The following SECISBP2L variants were observed in gnomAD, a reference collection of about 807,000 sequenced individuals.
The protein encoded by SECISBP2L is selenocysteine insertion sequence-binding protein 2-like.
A neutral mutation model predicts 114.7 loss-of-function variants in SECISBP2L; 43 were observed. That is an observed-to-expected ratio of 0.38 (90% CI 0.29 to 0.48). The LOEUF (loss-of-function observed/expected upper bound fraction) is 0.48. Among genes scored for constraint, SECISBP2L ranks in the 20% least tolerant of loss-of-function variants. The pLI is 0.98. For synonymous variants in SECISBP2L, 451 were observed against 439.7 expected (o/e 1.03, Z -0.32); for missense variants, 1,136 against 1,301.1 (o/e 0.87, Z 1.95).
chr15:49,008,743 A>G (rs989136506), intron 14 of SECISBP2L, among the ~76,000 whole-genome samples: 1 of 152,220 alleles, frequency 6.6e-6, no homozygotes, highest in Non-Finnish European at 1.5e-5. Context: ...GGGGTATCAT[A>G]TTCTGTGATC....
chr15:49,040,838 G>A (rs1020487939), intron 1 of SECISBP2L, among the ~76,000 whole-genome samples: 2 of 151,518 alleles, frequency 1.3e-5, no homozygotes, highest in African/African-American at 4.8e-5. Context: ...GCGCCCGGCC[G>A]ATCCCAAACT....
intron 7 of SECISBP2L, among the ~76,000 whole-genome samples, chr15:49,027,088 T>C (rs916408426): frequency 8.5e-5 from 13 of 152,334 alleles, no homozygotes; most frequent in African/African-American, 2.4e-4. Context: ...GAAAAAGACA[T>C]GGCAAATGAA....
Position 49,012,765 on chromosome 15 carries a change from T to C in SECISBP2L, c.1614A>G (p.Leu538=). 1 of 1,613,976 alleles carries C rather than the reference T, an allele frequency of 6.2e-7. No homozygotes were observed. The highest frequency in any genetic ancestry group is 8.5e-7 in the Non-Finnish European group (1 of 1,179,946). Residue 538 remains leucine, a synonymous_variant, in exon 12 of 18, where the codon TTA becomes TTG. Transcript: ENST00000559471. ...HTKDSTNRKP[L]TKSQPCLTSF... is the part of the protein sequence containing the mutation. ...ATGTCAAACAGGGCTGACTTTTGGT[T>C]AAAGGTTTTCTATTAGTAGAGTCTT...
At chr15:49,012,543 T>C in intron 12 of SECISBP2L, 105 bp downstream of exon 12, 1 of 1,163,754 alleles carries the variant, frequency 8.6e-7, no homozygotes, top group Non-Finnish European at 1.2e-6. Flanking sequence ...TATGAATACT[T>C]CTCACAACAA....
At chr15:49,006,222 CT>C (rs1198229338) in intron 14 of SECISBP2L, among the ~76,000 whole-genome samples, 2 of 152,082 alleles carry the variant, frequency 1.3e-5, no homozygotes, top group East Asian at 1.9e-4. Context: ...GATGCTTTGT[CT>C]CTTGGGTTTG....
intron 6 of SECISBP2L, among the ~76,000 whole-genome samples, chr15:49,027,926 GT>G (rs1192615898): frequency 2.6e-4 from 39 of 152,094 alleles, no homozygotes; most frequent in African/African-American, 9.2e-4. Flanking sequence ...CTTCTAAGCA[GT>G]ACTACAGCTC....
At chr15:48,998,142 A>G (rs1902132320) in intron 16 of SECISBP2L, among the ~76,000 whole-genome samples, 1 of 152,228 alleles carries the variant, frequency 6.6e-6, no homozygotes, top group African/African-American at 2.4e-5. Context: ...TAGTAAGTAC[A>G]AACCTTGAGA....
chr15:48,997,812 T>C (rs1453389721), intron 16 of SECISBP2L, among the ~76,000 whole-genome samples: 2 of 152,134 alleles, frequency 1.3e-5, no homozygotes, highest in Non-Finnish European at 2.9e-5. Context: ...GAGGTTGTGG[T>C]GAGCCGAGAT....
chr15:49,011,707 G>A (rs749881099), intron 13 of SECISBP2L, 24 bp downstream of exon 13: 88 of 1,612,476 alleles, frequency 5.5e-5, no homozygotes, highest in Non-Finnish European at 7.0e-5. Context: ...TCCATGAGAA[G>A]AGGAGAAAGG....
At chr15:49,017,234 C>A (rs888671771) in intron 9 of SECISBP2L, among the ~76,000 whole-genome samples, 3 of 152,080 alleles carry the variant, frequency 2.0e-5, no homozygotes, top group Admixed American at 1.3e-4. Flanking sequence ...CTGCCTGGAT[C>A]CTTGAATGAA....
intron 1 of SECISBP2L, among the ~76,000 whole-genome samples, chr15:49,040,694 C>A (rs1302209854): frequency 6.6e-6 from 1 of 150,966 alleles, no homozygotes; most frequent in Non-Finnish European, 1.5e-5. Context: ...CACCATCACG[C>A]CCGGCTAATT....
At chr15:49,030,787 T>C (rs1342661438) in intron 4 of SECISBP2L, among the ~76,000 whole-genome samples, 1 of 152,154 alleles carries the variant, frequency 6.6e-6, no homozygotes, top group Non-Finnish European at 1.5e-5. Context: ...CATACACATG[T>C]GGGGTCTGTT....
chr15:49,024,496 CAAAAAAAAAA>C (rs72031518), intron 7 of SECISBP2L, among the ~76,000 whole-genome samples: 1 of 82,776 alleles, frequency 1.2e-5, no homozygotes. Flanking sequence ...GACTCTGTCT[CAAAAAAAAAA>C]AAAAAAAAGA....
At chr15:49,011,263 A>G (rs1354443745) in intron 13 of SECISBP2L, among the ~76,000 whole-genome samples, 1 of 152,232 alleles carries the variant, frequency 6.6e-6, no homozygotes, top group Non-Finnish European at 1.5e-5. Flanking sequence ...ACTGTATGAC[A>G]CTGAATCTTA....
At position 48,991,947 on chromosome 15, in the gene SECISBP2L, T is replaced by C. The variant is rs117979875; in HGVS notation, c.*297A>G. The stretch of plus-strand genomic sequence containing the variant: ...CTTGTTCTTTAACTTTCAAAATGTC[T>C]TTTAAGTAAGCATTTGAAATTTATT... On this transcript the variant is annotated 3_prime_UTR_variant, in exon 18 of 18. Coordinates refer to ENST00000559471, the MANE Select transcript of SECISBP2L (RefSeq NM_001193489.2). 94 of 242,048 alleles carry C rather than the reference T, an allele frequency of 3.9e-4. 2 individuals are homozygous for C. The East Asian group carries it at 7.8e-3, about 20-fold the overall frequency. 15.0% of individuals were successfully genotyped at this position (242,048 alleles called of 1,614,324 possible). A position where few individuals can be genotyped will look rare whatever the true frequency, so the allele number is the denominator to read the frequency against.
chr15:49,020,278 C>T (rs1468740726), intron 7 of SECISBP2L, among the ~76,000 whole-genome samples: 1 of 152,132 alleles, frequency 6.6e-6, no homozygotes, highest in Non-Finnish European at 1.5e-5. Flanking sequence ...TTGATCATAG[C>T]TCACTACAGC....
Position 48,990,818 on chromosome 15 carries a change from A to G in SECISBP2L, c.*1426T>C, listed in dbSNP as rs907832770. ...TTATGGAAGCTTGTAAGTGGAAAACACACACACGTACGGATGTGTGCATGT... is the reference window on the plus strand; with the variant it reads ...TTATGGAAGCTTGTAAGTGGAAAACGCACACACGTACGGATGTGTGCATGT... On this transcript the variant is annotated 3_prime_UTR_variant, in exon 18 of 18. Coordinates refer to ENST00000559471, the MANE Select transcript of SECISBP2L (RefSeq NM_001193489.2). The G allele has an allele frequency of 1.5e-5, 2 of 129,936 alleles. No individual in the cohort carries two copies. The highest frequency in any genetic ancestry group is 5.7e-5 in the African/African-American group (2 of 34,858). The allele number at this position is 129,936 out of a possible 1,614,324, so 8.0% of individuals were successfully genotyped here.
chr15:49,019,440 T>A lies in SECISBP2L; in HGVS notation c.1148A>T (p.Asn383Ile), dbSNP rs1279226815. Reference sequence around the variant, plus strand: ...TACCTCAAAATATAAAGACTCAGAATTTGGATCGCTTCTATGGGATTGACT... The same window carrying A: ...TACCTCAAAATATAAAGACTCAGAAATTGGATCGCTTCTATGGGATTGACT... ...SSSQSHRSDP[N>I]SESLYFEDED... The change falls in exon 8 of 18, where the codon AAT becomes ATT. Residue 383 changes from asparagine to isoleucine, a missense_variant. Transcript: ENST00000559471. The A allele has an allele frequency of 4.1e-6, 6 of 1,454,236 alleles. No individual in the cohort carries two copies. Among genetic ancestry groups the A allele is most frequent in the Non-Finnish European group, 5.4e-6 (6 of 1,115,024 alleles). 90.1% of individuals were successfully genotyped at this position (1,454,236 alleles called of 1,614,324 possible). A position where few individuals can be genotyped will look rare whatever the true frequency, so the allele number is the denominator to read the frequency against.
Position 49,037,701 on chromosome 15 carries a change from G to A in SECISBP2L, c.93C>T (p.Ile31=), listed in dbSNP as rs781594231. The change falls in exon 2 of 18, where the codon ATC becomes ATT. Residue 31 remains isoleucine (I), a synonymous_variant. Transcript: ENST00000559471. Reference sequence around the variant, plus strand: ...CATTATCATTTGGGAGAGCCATAGGGATCATAAATGTATCAGGACTCTTCT... The same window carrying A: ...CATTATCATTTGGGAGAGCCATAGGAATCATAAATGTATCAGGACTCTTCT... ...PQKKSPDTFM[I]PMALPNDNGS... The A allele has an allele frequency of 6.2e-7, 1 of 1,613,620 alleles. No individual in the cohort carries two copies. Among genetic ancestry groups the A allele is most frequent in the Admixed American group, 1.7e-5 (1 of 60,012 alleles).
Sources: allele counts gnomAD v4.1 joint callset (sites outside exome capture counted in the v4.1 genomes callset), GRCh38; gene constraint gnomAD v4.1.1; transcripts MANE v1.5; gene names NCBI Gene and HGNC (gene_info 2026-07-23, HGNC 2026-07-21).